The following CPLANE1 variants were observed in gnomAD, a reference collection of about 807,000 sequenced individuals.
The protein encoded by CPLANE1 is ciliogenesis and planar polarity effector complex subunit 1.
CPLANE1 carries 263 observed loss-of-function variants against 362.5 expected under a neutral mutation model. The observed-to-expected ratio is 0.73, with a 90% confidence interval of 0.66 to 0.80. CPLANE1 has a LOEUF of 0.80. Among genes scored for constraint, CPLANE1 ranks in the 30% least tolerant of loss-of-function variants. The probability of loss-of-function intolerance (pLI) is 0.00; values close to 1 mark genes in which losing one functional copy is unlikely to be tolerated. For synonymous variants in CPLANE1, 1,212 were observed against 1,302.6 expected (o/e 0.93, Z 1.50); for missense variants, 3,461 against 3,793.4 (o/e 0.91, Z 2.30).
intron 21 of CPLANE1, among the ~76,000 whole-genome samples, chr5:37,189,772 G>T (rs967064766): frequency 1.3e-5 from 2 of 152,198 alleles, no homozygotes; most frequent in Non-Finnish European, 1.5e-5. Flanking sequence ...GACGAGGTGG[G>T]TGTATCACCT....
At position 37,106,782 on chromosome 5, in the gene CPLANE1, G is replaced by A; in HGVS notation, c.*820C>T. On this transcript the variant is annotated 3_prime_UTR_variant, in exon 53 of 53. Transcript: ENST00000651892. ...GGGGTATTTAATAGCTTTTTCAGAT[G>A]ATAGTGTGCTTTTATATTATACCAA... 1.1e-6 allele frequency: 1 copy of A among 903,560 alleles called. No homozygotes were observed. Among genetic ancestry groups the A allele is most frequent in the Non-Finnish European group, 1.3e-6 (1 of 755,406 alleles). 56.0% of individuals were successfully genotyped at this position (903,560 alleles called of 1,614,324 possible).
intron 50 of CPLANE1, among the ~76,000 whole-genome samples, chr5:37,116,485 CAAAAAAAAAAAAAA>C (rs70976277): frequency 0.016 from 408 of 26,002 alleles, 6 homozygotes; most frequent in Non-Finnish European, 0.021. Flanking sequence ...GACTCTGCCT[CAAAAAAAAAAAAAA>C]AAAAAAAAAA....
At chr5:37,173,641 A>G (rs1488102930) in intron 32 of CPLANE1, 114 bp downstream of exon 32, 1 of 899,198 alleles carries the variant, frequency 1.1e-6, no homozygotes, top group East Asian at 2.6e-5. Flanking sequence ...CCCAAAGCAG[A>G]GAAATGCTTG....
intron 35 of CPLANE1, among the ~76,000 whole-genome samples, chr5:37,166,616 T>C (rs954629537): frequency 5.3e-5 from 8 of 152,224 alleles, no homozygotes; most frequent in African/African-American, 1.9e-4. Flanking sequence ...AACTTTATCA[T>C]TGGCATGCAT....
chr5:37,090,715 T>C, the CPLANE1 span, among the ~76,000 whole-genome samples: 3 of 152,314 alleles, frequency 2.0e-5, no homozygotes, highest in African/African-American at 7.2e-5. Flanking sequence ...CTGGGTTTAC[T>C]AGCACTTAGA....
At position 37,138,743 on chromosome 5, in the gene CPLANE1, T is replaced by TG. The variant is rs1166020703; in HGVS notation, c.8768dup (p.Glu2924ArgfsTer21). The TG allele has an allele frequency of 2.5e-6, 4 of 1,612,050 alleles. No individual in the cohort carries two copies. Among genetic ancestry groups the TG allele is most frequent in the African/African-American group, 1.3e-5 (1 of 74,870 alleles). On this transcript the variant is annotated frameshift_variant, in exon 46 of 53. Transcript: ENST00000651892. LOFTEE classifies it high-confidence loss of function. ...ACCTGGAGGTGCCCATAGCTTGTTC[T>TG]GTTAAGCCAAGTTCTTCACTGGAAA...
intron 46 of CPLANE1, among the ~76,000 whole-genome samples, chr5:37,134,727 T>C (rs996026772): frequency 6.6e-6 from 1 of 152,176 alleles, no homozygotes; most frequent in African/African-American, 2.4e-5. Context: ...CTAGGCGTGA[T>C]GTTAGATTAC....
intron 15 of CPLANE1, 95 bp downstream of exon 15, chr5:37,221,229 G>T: frequency 1.4e-6 from 1 of 709,426 alleles, no homozygotes; most frequent in Non-Finnish European, 2.2e-6. Context: ...TGAGGTAGAA[G>T]GATTACTTGA....
the CPLANE1 span, among the ~76,000 whole-genome samples, chr5:37,075,912 T>C: frequency 6.6e-6 from 1 of 152,104 alleles, no homozygotes; most frequent in African/African-American, 2.4e-5. Context: ...TAGTGTCACA[T>C]GCAATTGGTT....
chr5:37,094,986 C>T, the CPLANE1 span, among the ~76,000 whole-genome samples: 1 of 152,102 alleles, frequency 6.6e-6, no homozygotes, highest in South Asian at 2.1e-4. Context: ...GGATTCACAA[C>T]AGAATTCTAC....
At chr5:37,145,157 T>C (rs189620160) in intron 43 of CPLANE1, among the ~76,000 whole-genome samples, 187 of 152,000 alleles carry the variant, frequency 1.2e-3, no homozygotes, top group Non-Finnish European at 2.0e-3. Flanking sequence ...TACAAAAAAT[T>C]AGCTGGGTGT....
At chr5:37,218,473 C>G (rs371476448) in intron 15 of CPLANE1, among the ~76,000 whole-genome samples, 1 of 152,286 alleles carries the variant, frequency 6.6e-6, no homozygotes, top group East Asian at 1.9e-4. Context: ...TCATACCATG[C>G]ACCTTTTCCC....
At chr5:37,116,715 A>C (rs1161473207) in intron 50 of CPLANE1, among the ~76,000 whole-genome samples, 1 of 152,160 alleles carries the variant, frequency 6.6e-6, no homozygotes, top group East Asian at 1.9e-4. Flanking sequence ...ACATAGAGTC[A>C]AACTCCCAAG....
intron 50 of CPLANE1, among the ~76,000 whole-genome samples, chr5:37,116,126 A>T (rs1374757563): frequency 6.6e-6 from 1 of 151,820 alleles, no homozygotes; most frequent in Non-Finnish European, 1.5e-5. Flanking sequence ...GTCTCTACGA[A>T]AAAATTTAAA....
intron 9 of CPLANE1, 56 bp from the exon 10 acceptor site, chr5:37,227,873 C>A: frequency 2.8e-6 from 4 of 1,440,304 alleles, no homozygotes; most frequent in South Asian, 2.9e-5. Flanking sequence ...TTACGGAAAA[C>A]AATAATGTTT....
chr5:37,083,554 T>C, the CPLANE1 span, among the ~76,000 whole-genome samples: 1 of 152,024 alleles, frequency 6.6e-6, no homozygotes, highest in African/African-American at 2.4e-5. Context: ...AAGGGAGAAA[T>C]ATTCAATGAC....
At chr5:37,156,043 T>A (rs1471463890) in intron 41 of CPLANE1, among the ~76,000 whole-genome samples, 2 of 152,228 alleles carry the variant, frequency 1.3e-5, no homozygotes, top group East Asian at 3.9e-4. Context: ...TGTTTGTATA[T>A]GCAGCTGTTA....
At position 37,164,258 on chromosome 5, in the gene CPLANE1, C is replaced by A; in HGVS notation, c.7588+15G>T. On this transcript the variant is annotated intron_variant, in intron 37 of 52. Coordinates refer to ENST00000651892, the MANE Select transcript of CPLANE1 (RefSeq NM_001384732.1). ...CTCTAAACTTAGACATTACATTAAT[C>A]ATACACATACATACCAAAAGGAACG... is the stretch of plus-strand genomic sequence containing the variant. The A allele has an allele frequency of 6.3e-7, 1 of 1,587,810 alleles. No individual in the cohort carries two copies. The highest frequency in any genetic ancestry group is 1.1e-5 in the South Asian group (1 of 90,214).
At chr5:37,176,479 A>G (rs1004273618) in intron 30 of CPLANE1, among the ~76,000 whole-genome samples, 2 of 152,122 alleles carry the variant, frequency 1.3e-5, no homozygotes, top group African/African-American at 2.4e-5. Context: ...TAAAAAAAAT[A>G]CAAAAAAATT....
Sources: allele counts gnomAD v4.1 joint callset (sites outside exome capture counted in the v4.1 genomes callset), GRCh38; gene constraint gnomAD v4.1.1; transcripts MANE v1.5; gene names NCBI Gene and HGNC (gene_info 2026-07-23, HGNC 2026-07-21).